The following ANAPC5 variants were observed in gnomAD, a reference collection of about 807,000 sequenced individuals.
ANAPC5 encodes the protein anaphase-promoting complex subunit 5.
ANAPC5 carries 60 observed loss-of-function variants against 91.3 expected under a neutral mutation model. That is an observed-to-expected ratio of 0.66 (90% CI 0.53 to 0.81). The LOEUF (loss-of-function observed/expected upper bound fraction) is 0.81, where lower values mean the gene tolerates loss of function less well. ANAPC5 is among the 40% of genes least tolerant of loss of function. The pLI is 0.00. For missense variants in ANAPC5, 690 were observed against 931.5 expected, an observed-to-expected ratio of 0.74 and a Z score of 3.37; for synonymous variants, 340 against 364.1, an observed-to-expected ratio of 0.93 and a Z score of 0.75.
intron 1 of ANAPC5, among the ~76,000 whole-genome samples, chr12:121,350,104 T>C (rs1903826189): frequency 6.6e-6 from 1 of 152,174 alleles, no homozygotes; most frequent in African/African-American, 2.4e-5. Flanking sequence ...CCACAAGTTA[T>C]AAAGACATCC....
intron 11 of ANAPC5, among the ~76,000 whole-genome samples, chr12:121,323,314 T>C (rs1593583631): frequency 6.6e-6 from 1 of 152,230 alleles, no homozygotes; most frequent in East Asian, 1.9e-4. Flanking sequence ...TATACTCTTA[T>C]ATTGTCGGGA....
intron 5 of ANAPC5, among the ~76,000 whole-genome samples, chr12:121,339,034 A>T (rs1782822178): frequency 6.7e-6 from 1 of 149,780 alleles, no homozygotes; most frequent in Admixed American, 6.7e-5. Context: ...TTGTCTCATC[A>T]TCAAATATGA....
chr12:121,353,060 G>T (rs1903970561), upstream of ANAPC5, among the ~76,000 whole-genome samples: 1 of 152,168 alleles, frequency 6.6e-6, no homozygotes, highest in South Asian at 2.1e-4. Context: ...ATAGGAACAT[G>T]AGATTTTTCT....
intron 11 of ANAPC5, among the ~76,000 whole-genome samples, chr12:121,323,272 T>C (rs548406812): frequency 1.3e-5 from 2 of 152,252 alleles, no homozygotes; most frequent in Non-Finnish European, 2.9e-5. Flanking sequence ...TTTTGGGCCA[T>C]GCTTTCTGTG....
In ANAPC5 at chr12:121,342,037, G is replaced by T; in HGVS notation, c.623C>A (p.Ser208Tyr). The change falls in exon 5 of 17, where the codon TCC (serine) becomes TAC (tyrosine). Residue 208 changes from serine to tyrosine, a missense_variant. Ser to Tyr is a moderately radical substitution (Grantham distance 144). Around this residue, in one of 5 missense-constraint regions of ANAPC5, gnomAD observed 238 missense variants for 264.9 expected, o/e 0.90. Coordinates refer to ENST00000261819, the MANE Select transcript of ANAPC5 (RefSeq NM_016237.5). The surrounding 1 kb of genome is among the most constrained non-coding windows in gnomAD (Gnocchi z 4.1). ...EEEVSCSGPL[S>Y]QKQAEFFLSQ... is the part of the protein sequence containing the mutation. ...AAGAAAAAATTCTGCTTGTTTTTGG[G>T]ACAGAGGCCCACTGCAAGATACCTC... 6.2e-7 allele frequency: 1 copy of T among 1,610,186 alleles called. No individual in the cohort carries two copies. The highest frequency in any genetic ancestry group is 8.5e-7 in the Non-Finnish European group (1 of 1,179,402).
intron 15 of ANAPC5, among the ~76,000 whole-genome samples, chr12:121,310,837 G>A (rs1566177381): frequency 6.8e-6 from 1 of 147,586 alleles, no homozygotes. Flanking sequence ...TGGTGGCTGA[G>A]ACAGGAGAAT....
chr12:121,327,325 T>C (rs1902857788), intron 10 of ANAPC5, 94 bp from the exon 11 acceptor site: 2 of 1,459,104 alleles, frequency 1.4e-6, no homozygotes, highest in Non-Finnish European at 1.8e-6. Context: ...AGGCGTAAAG[T>C]CATACACCTC....
At chr12:121,314,424 CA>C (rs1902275899) in intron 15 of ANAPC5, among the ~76,000 whole-genome samples, 2 of 151,208 alleles carry the variant, frequency 1.3e-5, no homozygotes, top group Admixed American at 6.6e-5. Flanking sequence ...AACAAACAAA[CA>C]AAAACCCATA....
At chr12:121,344,175 A>G (rs1268828632) in intron 4 of ANAPC5, among the ~76,000 whole-genome samples, 2 of 152,200 alleles carry the variant, frequency 1.3e-5, no homozygotes, top group Admixed American at 1.3e-4. Context: ...CAAGACAGAG[A>G]AGGGTCTCAG....
rs1176668301 is a variant in ANAPC5, at chr12:121,351,427, TAAGTA to T, written c.207+702_207+706del. Among the ~76,000 whole-genome samples, 9 of 151,638 alleles carry T rather than the reference TAAGTA, an allele frequency of 5.9e-5. No homozygotes were observed. The East Asian group carries it at 1.4e-3, about 23-fold the overall frequency. Reference sequence around the variant, plus strand: ...TTAAGTAAAGTGCTTAGCACACAGTTAAGTATTCAATCAGTGCTCGTCCTTGGCTT... The same window carrying T: ...TTAAGTAAAGTGCTTAGCACACAGTTTTCAATCAGTGCTCGTCCTTGGCTT... On this transcript the variant is annotated intron_variant, in intron 1 of 16. Coordinates refer to ENST00000261819, the MANE Select transcript of ANAPC5 (RefSeq NM_016237.5).
chr12:121,318,189 A>C, intron 15 of ANAPC5, 88 bp downstream of exon 15: 1 of 1,389,960 alleles, frequency 7.2e-7, no homozygotes, highest in Non-Finnish European at 9.5e-7. Flanking sequence ...ATGAAAACTC[A>C]TTATTATCCT....
intron 3 of ANAPC5, chr12:121,346,240 C>A (rs904307095): frequency 6.7e-6 from 3 of 448,374 alleles, no homozygotes; most frequent in Non-Finnish European, 1.2e-5. Flanking sequence ...CACAATCTAC[C>A]CACCCCACCT....
chr12:121,334,501 A>G (rs1361331052), intron 7 of ANAPC5: 2 of 152,238 alleles, frequency 1.3e-5, no homozygotes, highest in Non-Finnish European at 2.9e-5. Flanking sequence ...GGATCTTTGA[A>G]TTAGTAATTT....
At chr12:121,319,017 C>T (rs1230153992) in intron 13 of ANAPC5, among the ~76,000 whole-genome samples, 1 of 149,128 alleles carries the variant, frequency 6.7e-6, no homozygotes, top group Admixed American at 6.7e-5. Flanking sequence ...GAGACTCTGC[C>T]TCAAAAAAAA....
intron 11 of ANAPC5, among the ~76,000 whole-genome samples, chr12:121,323,401 T>A: frequency 6.6e-6 from 1 of 152,112 alleles, no homozygotes; most frequent in African/African-American, 2.4e-5. Context: ...CTCAGCTCAT[T>A]GCAACCTCTA....
At chr12:121,349,206 A>T (rs1171266252) in intron 1 of ANAPC5, among the ~76,000 whole-genome samples, 2 of 152,204 alleles carry the variant, frequency 1.3e-5, no homozygotes, top group Non-Finnish European at 2.9e-5. Context: ...ACAGTTAGTA[A>T]AGGAGTTGAG....
intron 6 of ANAPC5, among the ~76,000 whole-genome samples, chr12:121,336,292 G>A (rs1046077353): frequency 4.6e-5 from 7 of 151,790 alleles, no homozygotes; most frequent in African/African-American, 9.7e-5. Flanking sequence ...AAAATTTTCC[G>A]AGTAAAAAAT....
intron 13 of ANAPC5, 49 bp from the exon 14 acceptor site, chr12:121,318,657 G>C: frequency 6.9e-7 from 1 of 1,453,034 alleles, no homozygotes; most frequent in Non-Finnish European, 9.6e-7. Context: ...GTCACTTTGA[G>C]GGTAAGAATC....
intron 1 of ANAPC5, among the ~76,000 whole-genome samples, chr12:121,349,585 A>G (rs1156805504): frequency 1.3e-5 from 2 of 151,846 alleles, no homozygotes; most frequent in Non-Finnish European, 2.9e-5. Context: ...TAAAAAAAAA[A>G]TAAATTTAAA....
Sources: allele counts gnomAD v4.1 joint callset (sites outside exome capture counted in the v4.1 genomes callset), GRCh38; gene constraint gnomAD v4.1.1; regional missense constraint gnomAD v4.1.1; non-coding constraint Gnocchi (gnomAD v3.1); transcripts MANE v1.5; gene names NCBI Gene and HGNC (gene_info 2026-07-23, HGNC 2026-07-21).